HDAC9: variants seen among roughly 807,000 people sequenced by gnomAD.
HDAC9 encodes MEF-2 interacting transcription repressor (MITR) protein.
In HDAC9, 41 loss-of-function variants were observed where a neutral mutation model predicts 139.4. That is an observed-to-expected ratio of 0.29 (90% CI 0.23 to 0.38). The LOEUF (loss-of-function observed/expected upper bound fraction) is 0.38, where lower values mean the gene tolerates loss of function less well. HDAC9 is among the 10% of genes least tolerant of loss of function. HDAC9 has a pLI of 1.00. For synonymous variants in HDAC9, 517 were observed against 476.2 expected (o/e 1.09, Z -1.12); for missense variants, 1,147 against 1,297.0 (o/e 0.88, Z 1.78).
chr7:18,772,188 G>A (rs749859212), intron 16 of HDAC9, among the ~76,000 whole-genome samples: 8 of 152,140 alleles, frequency 5.3e-5, no homozygotes, highest in Non-Finnish European at 1.0e-4. Flanking sequence ...AGCAATAAAT[G>A]TGTGAGTTGT....
chr7:18,446,642 A>G (rs889131361), intron 1 of HDAC9, among the ~76,000 whole-genome samples: 1 of 152,206 alleles, frequency 6.6e-6, no homozygotes, highest in Non-Finnish European at 1.5e-5. Context: ...CACTGTTGAT[A>G]TAGTTTTTTT....
rs1786462436 is a variant in HDAC9, at chr7:18,996,342, C to G, written c.*280C>G. The G allele has an allele frequency of 2.4e-5, 8 of 333,590 alleles. No homozygotes were observed. The highest frequency in any genetic ancestry group is 2.2e-4 in the South Asian group (6 of 27,892). The allele number at this position is 333,590 out of a possible 1,614,324, so 20.7% of individuals were successfully genotyped here. A position where few individuals can be genotyped will look rare whatever the true frequency, so the allele number is the denominator to read the frequency against. On this transcript the variant is annotated 3_prime_UTR_variant, in exon 26 of 26. Transcript: ENST00000686413. ...CATGCTTTTAATATGCTGGGTGACC[C>G]ACTCCTAGACACCAAGTTTGAACTA...
chr7:18,626,223 A>G (rs1287122170), intron 6 of HDAC9, among the ~76,000 whole-genome samples: 2 of 152,096 alleles, frequency 1.3e-5, no homozygotes, highest in Non-Finnish European at 2.9e-5. Context: ...AGGGAGATGA[A>G]GTCAGGAAGA....
At chr7:18,101,183 C>G (rs1298901161) in intron 1 of HDAC9, among the ~76,000 whole-genome samples, 1 of 152,196 alleles carries the variant, frequency 6.6e-6, no homozygotes, top group Non-Finnish European at 1.5e-5. Context: ...GCTTTCCCCC[C>G]TCCAGTACTC....
chr7:18,161,791 C>G (rs550502141), intron 1 of HDAC9, among the ~76,000 whole-genome samples: 101 of 152,144 alleles, frequency 6.6e-4, no homozygotes, highest in African/African-American at 2.1e-3. Flanking sequence ...TTAAACATTT[C>G]TTTTTGCCAA....
rs76356335 is a variant in HDAC9 at position 18,239,650 on chromosome 7, C to A, written c.25+77301C>A. Among the ~76,000 whole-genome samples, 1,332 of 152,208 alleles carry A rather than the reference C, an allele frequency of 8.8e-3. 13 individuals carry two copies. Among genetic ancestry groups the A allele is most frequent in the African/African-American group, 0.031 (1,267 of 41,524 alleles). On this transcript the variant is annotated intron_variant, in intron 2 of 12. Transcript: ENST00000417496. ...CCTTTGATTTTCTTCAAAAACATTT[C>A]AGATGACATGAAAGAGAAATACGTG... is the stretch of plus-strand genomic sequence containing the variant.
intron 2 of HDAC9, chr7:18,509,587 C>T (rs2128182506): frequency 2.5e-6 from 1 of 402,304 alleles, no homozygotes; most frequent in Non-Finnish European, 3.4e-6. Context: ...TAAGAATTAC[C>T]AGGTATTTCC....
chr7:18,750,908 T>A (rs1788386814), intron 14 of HDAC9, among the ~76,000 whole-genome samples: 1 of 152,190 alleles, frequency 6.6e-6, no homozygotes, highest in African/African-American at 2.4e-5. Context: ...TTGTGTTATA[T>A]CCTGCGGCAG....
chr7:18,994,857 A>G (rs1422083527), intron 25 of HDAC9, among the ~76,000 whole-genome samples: 1 of 152,194 alleles, frequency 6.6e-6, no homozygotes, highest in African/African-American at 2.4e-5. Context: ...AAAGTAATTC[A>G]TTATAGAATC....
rs573510053 is a variant in HDAC9, at chr7:18,117,641, A to G, written c.-97+30428A>G. Among the ~76,000 whole-genome samples the G allele has an allele frequency of 4.3e-4, 65 of 152,288 alleles. No individual in the cohort carries two copies. In the South Asian group the frequency reaches 5.2e-3, roughly 12 times the overall value. On this transcript the variant is annotated intron_variant, in intron 1 of 12. Coordinates refer to the HDAC9 transcript ENST00000417496. ...GATGATGCACCCACTGAAGAATGCT[A>G]AGGATTGCCTGCCACCAGCAGAAGC...
At chr7:18,143,985 TG>T (rs1786103925) in intron 1 of HDAC9, among the ~76,000 whole-genome samples, 2 of 152,146 alleles carry the variant, frequency 1.3e-5, no homozygotes, top group Non-Finnish European at 2.9e-5. Flanking sequence ...TCTCTATTGC[TG>T]GATCTATTTA....
At chr7:18,467,984 T>C (rs1794422901) in intron 1 of HDAC9, among the ~76,000 whole-genome samples, 1 of 152,182 alleles carries the variant, frequency 6.6e-6, no homozygotes, top group African/African-American at 2.4e-5. Flanking sequence ...ATATCTGTTT[T>C]TTTCTTCATG....
rs141974418 is a variant in HDAC9, at chr7:18,372,653, C to T, written c.-42+82138C>T. 9.9e-5 allele frequency among the ~76,000 whole-genome samples: 15 copies of T among 152,284 alleles called. No homozygotes were observed. In the East Asian group the frequency reaches 2.5e-3, roughly 25 times the overall value. On this transcript the variant is annotated intron_variant, in intron 1 of 3. Transcript: ENST00000413509. ...CAAATTTTTAAACATGAGAACATCA[C>T]GACAGTGTCCCTAGGATTATAAGCT...
chr7:18,302,406 T>C (rs1798601159), intron 1 of HDAC9, among the ~76,000 whole-genome samples: 1 of 152,202 alleles, frequency 6.6e-6, no homozygotes, highest in South Asian at 2.1e-4. Flanking sequence ...GTGTATGGTG[T>C]GGCTGGATAT....
At chr7:18,760,866 A>G (rs1789322912) in intron 14 of HDAC9, among the ~76,000 whole-genome samples, 1 of 152,204 alleles carries the variant, frequency 6.6e-6, no homozygotes, top group African/African-American at 2.4e-5. Flanking sequence ...TGAACCACAC[A>G]TTAACATTGA....
chr7:18,186,420 G>C (rs947020145), intron 2 of HDAC9, among the ~76,000 whole-genome samples: 1 of 152,260 alleles, frequency 6.6e-6, no homozygotes, highest in African/African-American at 2.4e-5. Context: ...CACCGGACTT[G>C]TGGTAGGATG....
intron 1 of HDAC9, among the ~76,000 whole-genome samples, chr7:18,138,980 C>G (rs1785676560): frequency 6.6e-6 from 1 of 152,042 alleles, no homozygotes; most frequent in African/African-American, 2.4e-5. Flanking sequence ...AGTAATCTTC[C>G]ATTTCTAAAC....
intron 1 of HDAC9, among the ~76,000 whole-genome samples, chr7:18,311,329 T>C (rs942911965): frequency 4.6e-5 from 7 of 152,122 alleles, no homozygotes; most frequent in African/African-American, 7.2e-5. Context: ...GTATATATTG[T>C]ATATGATTAG....
intron 12 of HDAC9, among the ~76,000 whole-genome samples, chr7:18,714,521 C>T (rs565153430): frequency 6.6e-6 from 1 of 152,182 alleles, no homozygotes; most frequent in South Asian, 2.1e-4. Context: ...AAGGGCTATT[C>T]ACCCTTATGA....
Sources: gnomAD v4.1 joint callset for allele counts (sites outside exome capture counted in the v4.1 genomes callset) on GRCh38, gnomAD v4.1.1 for gene constraint, MANE v1.5 for transcripts, NCBI Gene and HGNC (gene_info 2026-07-23, HGNC 2026-07-21) for gene names.